Variants in GPC3 observed in about 807,000 individuals in gnomAD.
GPC3 encodes glypican-3.
In GPC3, 3 loss-of-function variants were observed where a neutral mutation model predicts 34.4. The observed-to-expected ratio is 0.09, with a 90% confidence interval of 0.04 to 0.23. The LOEUF (loss-of-function observed/expected upper bound fraction) is 0.23, where lower values mean the gene tolerates loss of function less well. Ranked by LOEUF, GPC3 falls within the 10% of genes least tolerant of loss-of-function variation. The pLI, the probability that GPC3 is intolerant of heterozygous loss-of-function variation, is 1.00. For missense variants in GPC3, 351 were observed against 445.6 expected (o/e 0.79, Z 1.91); for synonymous variants, 177 against 174.0 (o/e 1.02, Z -0.13).
chrX:133,696,639 A>C (rs182128571), intron 4 of GPC3, among the ~76,000 whole-genome samples: 13 of 112,084 alleles, frequency 1.2e-4, no homozygotes, highest in African/African-American at 3.9e-4. Context: ...ACAACAAAAG[A>C]ATCTCCACCT....
At chrX:133,824,226 T>C (rs748878397) in intron 2 of GPC3, among the ~76,000 whole-genome samples, 7 of 111,558 alleles carry the variant, frequency 6.3e-5, no homozygotes, top group Non-Finnish European at 1.3e-4. Flanking sequence ...AACATATCAA[T>C]AATGACATTA....
At chrX:133,671,511 A>G (rs1016539545) in intron 5 of GPC3, 2 of 399,706 alleles carry the variant, frequency 5.0e-6, no homozygotes, top group Non-Finnish European at 4.3e-6. Context: ...TTCAGAGCCA[A>G]TGTTAAGCTA....
chrX:133,799,257 T>A (rs1471353873), intron 2 of GPC3, among the ~76,000 whole-genome samples: 3 of 111,588 alleles, frequency 2.7e-5, no homozygotes, highest in Non-Finnish European at 5.6e-5. Context: ...CTGGAAGTGG[T>A]AATGCATGCC....
chrX:133,935,424 G>A (rs1218196205), intron 2 of GPC3, among the ~76,000 whole-genome samples: 2 of 111,282 alleles, frequency 1.8e-5, no homozygotes, highest in African/African-American at 6.5e-5. Context: ...AAAGAATTGT[G>A]CAGGACAGCT....
At chrX:133,550,024 GT>G (rs1193953710) in intron 7 of GPC3, among the ~76,000 whole-genome samples, 2 of 102,594 alleles carry the variant, frequency 1.9e-5, no homozygotes, top group Non-Finnish European at 4.0e-5. Flanking sequence ...TGTTTGTTTT[GT>G]TTTTTTTTAG....
chrX:133,737,981 T>C (rs1286734395), intron 3 of GPC3, among the ~76,000 whole-genome samples: 1 of 111,721 alleles, frequency 9.0e-6, no homozygotes, highest in East Asian at 2.8e-4. Context: ...TTTGTTCTTT[T>C]CAGACAGGGT....
chrX:133,747,573 G>A (rs1258009825), intron 3 of GPC3, among the ~76,000 whole-genome samples: 1 of 111,859 alleles, frequency 8.9e-6, no homozygotes, highest in African/African-American at 3.3e-5. Context: ...TTCTGCTGAA[G>A]AGAATGGAAC....
intron 6 of GPC3, among the ~76,000 whole-genome samples, chrX:133,636,429 G>T (rs899102189): frequency 1.8e-5 from 2 of 112,462 alleles, no homozygotes; most frequent in African/African-American, 6.5e-5. Context: ...CGCTTTGGGA[G>T]GCCAAGGCAG....
At chrX:133,675,296 C>T (rs920213020) in intron 5 of GPC3, among the ~76,000 whole-genome samples, 1 of 111,817 alleles carries the variant, frequency 8.9e-6, no homozygotes, top group Non-Finnish European at 1.9e-5. Flanking sequence ...TAGCCCTACC[C>T]AGATCCTGAG....
At chrX:133,715,087 A>G (rs755145711) in intron 3 of GPC3, among the ~76,000 whole-genome samples, 4 of 112,034 alleles carry the variant, frequency 3.6e-5, no homozygotes, top group South Asian at 3.8e-4. Context: ...CACAACCTCA[A>G]TCTCTGTGGG....
intron 2 of GPC3, among the ~76,000 whole-genome samples, chrX:133,841,826 T>C (rs2075825734): frequency 9.0e-6 from 1 of 111,697 alleles, no homozygotes; most frequent in African/African-American, 3.3e-5. Context: ...TTCCAGCAAA[T>C]ATAAAGCAGG....
At chrX:133,977,599 A>G (rs1602575906) in intron 1 of GPC3, among the ~76,000 whole-genome samples, 1 of 112,345 alleles carries the variant, frequency 8.9e-6, no homozygotes, top group East Asian at 2.8e-4. Flanking sequence ...GAAGAATCCC[A>G]GGGTGACATG....
intron 2 of GPC3, among the ~76,000 whole-genome samples, chrX:133,899,895 T>G (rs953587930): frequency 1.8e-5 from 2 of 111,556 alleles, no homozygotes; most frequent in Non-Finnish European, 1.9e-5. Flanking sequence ...CTCCACCTCC[T>G]GGGTTCAAGC....
intron 2 of GPC3, among the ~76,000 whole-genome samples, chrX:133,849,242 C>A (rs2075861585): frequency 9.2e-6 from 1 of 108,678 alleles, no homozygotes; most frequent in South Asian, 4.1e-4. Context: ...CTACAGGCGC[C>A]CGCCAACACG....
Position 133,698,428 on chromosome X carries a change from A to G in GPC3, c.1166+1467T>C, listed in dbSNP as rs758837819. On this transcript the variant is annotated intron_variant, in intron 4 of 7. Transcript: ENST00000370818. ...GAAATTGAACTAAGCTATTTCTAAGATTAGCTGTGTGTTGCAAACTACCCA... is the reference window on the plus strand; with the variant it reads ...GAAATTGAACTAAGCTATTTCTAAGGTTAGCTGTGTGTTGCAAACTACCCA... 4.4e-5 allele frequency among the ~76,000 whole-genome samples: 5 copies of G among 112,399 alleles called. No homozygotes were observed. The South Asian group carries it at 1.1e-3, about 25-fold the overall frequency.
At chrX:133,755,896 G>A (rs1315539654) in intron 2 of GPC3, among the ~76,000 whole-genome samples, 2 of 112,059 alleles carry the variant, frequency 1.8e-5, no homozygotes, top group African/African-American at 3.2e-5. Flanking sequence ...CAACAAATTC[G>A]TTAAAATCAT....
intron 6 of GPC3, among the ~76,000 whole-genome samples, chrX:133,658,096 C>T (rs2070683225): frequency 8.9e-6 from 1 of 112,105 alleles, no homozygotes; most frequent in African/African-American, 3.2e-5. Context: ...TTCTTCCTCC[C>T]TATCACCAAA....
chrX:133,634,047 T>G (rs1191570966), intron 6 of GPC3, among the ~76,000 whole-genome samples: 1 of 112,149 alleles, frequency 8.9e-6, no homozygotes, highest in Non-Finnish European at 1.9e-5. Context: ...TGAAAGAATA[T>G]GTACCAGTGG....
At chrX:133,910,056 G>T (rs970565589) in intron 2 of GPC3, among the ~76,000 whole-genome samples, 6 of 110,818 alleles carry the variant, frequency 5.4e-5, no homozygotes, top group African/African-American at 2.0e-4. Context: ...GGAGATGTGT[G>T]CTTTGCTTGC....
Sources: gnomAD v4.1 joint callset for allele counts (sites outside exome capture counted in the v4.1 genomes callset) on GRCh38, gnomAD v4.1.1 for gene constraint, MANE v1.5 for transcripts, NCBI Gene and HGNC (gene_info 2026-07-23, HGNC 2026-07-21) for gene names.